MGAT4C: variants seen among roughly 807,000 people sequenced by gnomAD.
The protein encoded by MGAT4C is MGAT4 family member C.
Under a neutral mutation model 40.1 loss-of-function variants are expected in MGAT4C, and 19 were observed. The ratio of observed to expected loss-of-function variants is 0.47; its 90% CI spans 0.33 to 0.70. The LOEUF (loss-of-function observed/expected upper bound fraction) is 0.70. MGAT4C is among the 30% of genes least tolerant of loss of function. The probability of loss-of-function intolerance (pLI) is 0.02; values close to 1 mark genes in which losing one functional copy is unlikely to be tolerated. For missense variants in MGAT4C, 491 were observed against 563.2 expected (o/e 0.87, Z 1.30); for synonymous variants, 181 against 187.1 (o/e 0.97, Z 0.27).
chr12:86,129,127 G>A (rs1880781905), intron 1 of MGAT4C, among the ~76,000 whole-genome samples: 1 of 151,230 alleles, frequency 6.6e-6, no homozygotes, highest in Admixed American at 6.6e-5. Context: ...GGGTTGAGGA[G>A]GAATTATTTA....
intron 2 of MGAT4C, among the ~76,000 whole-genome samples, chr12:86,633,027 T>C (rs1963110477): frequency 6.6e-6 from 1 of 152,024 alleles, no homozygotes; most frequent in African/African-American, 2.4e-5. Context: ...TGTGTTTTCT[T>C]ATTTTATACA....
At chr12:86,319,944 T>G (rs939011467) in intron 4 of MGAT4C, among the ~76,000 whole-genome samples, 2 of 152,132 alleles carry the variant, frequency 1.3e-5, no homozygotes, top group South Asian at 4.1e-4. Context: ...AGTAAGAAAA[T>G]AAATTCACGA....
intron 2 of MGAT4C, among the ~76,000 whole-genome samples, chr12:85,999,519 T>C (rs368717158): frequency 5.3e-5 from 8 of 150,910 alleles, no homozygotes; most frequent in Admixed American, 4.0e-4. Flanking sequence ...ATAGCCAAGA[T>C]AAGGAATCAA....
At chr12:86,478,042 T>G (rs2136310161) in intron 2 of MGAT4C, among the ~76,000 whole-genome samples, 1 of 152,308 alleles carries the variant, frequency 6.6e-6, no homozygotes, top group East Asian at 1.9e-4. Flanking sequence ...GTTTATAATT[T>G]TATTTTCTGT....
At chr12:86,365,536 G>A (rs932504302) in intron 3 of MGAT4C, among the ~76,000 whole-genome samples, 3 of 152,196 alleles carry the variant, frequency 2.0e-5, no homozygotes, top group African/African-American at 4.8e-5. Flanking sequence ...AGAGATTGCA[G>A]TAAAGACAAG....
At chr12:86,213,083 A>G (rs1157309019) in intron 1 of MGAT4C, among the ~76,000 whole-genome samples, 10 of 151,932 alleles carry the variant, frequency 6.6e-5, no homozygotes. Context: ...TCCTTTACCA[A>G]CTCAATAGCT....
At chr12:86,244,125 T>C (rs1951915231) in intron 1 of MGAT4C, among the ~76,000 whole-genome samples, 1 of 152,162 alleles carries the variant, frequency 6.6e-6, no homozygotes, top group Non-Finnish European at 1.5e-5. Flanking sequence ...GCCTAGGTCA[T>C]GCCTACGCCT....
At chr12:86,515,945 C>T (rs1206695710) in intron 2 of MGAT4C, among the ~76,000 whole-genome samples, 1 of 151,918 alleles carries the variant, frequency 6.6e-6, no homozygotes, top group African/African-American at 2.4e-5. Flanking sequence ...GGGGTTTCAC[C>T]ATGTTAGCCA....
intron 1 of MGAT4C, among the ~76,000 whole-genome samples, chr12:86,735,206 T>C (rs1469796980): frequency 4.6e-5 from 7 of 151,944 alleles, no homozygotes; most frequent in African/African-American, 1.7e-4. Flanking sequence ...GTAAGTATTA[T>C]GCAAAAATGA....
At chr12:86,122,300 C>T (rs901991572) in intron 1 of MGAT4C, among the ~76,000 whole-genome samples, 5 of 152,032 alleles carry the variant, frequency 3.3e-5, no homozygotes, top group Non-Finnish European at 7.4e-5. Flanking sequence ...AAAATGTGCT[C>T]TTTTTCGGTT....
At chr12:86,704,498 G>A (rs1220774768) in intron 2 of MGAT4C, among the ~76,000 whole-genome samples, 1 of 151,930 alleles carries the variant, frequency 6.6e-6, no homozygotes, top group Non-Finnish European at 1.5e-5. Context: ...GAAAGTAGAG[G>A]AAATGTCTCG....
At chr12:86,636,511 C>A (rs1198038300) in intron 2 of MGAT4C, among the ~76,000 whole-genome samples, 2 of 151,860 alleles carry the variant, frequency 1.3e-5, no homozygotes, top group Admixed American at 6.6e-5. Flanking sequence ...GCAGGGCCAT[C>A]ATGATGGGAT....
chr12:86,389,665 C>A (rs193051502), intron 3 of MGAT4C, among the ~76,000 whole-genome samples: 9 of 152,092 alleles, frequency 5.9e-5, no homozygotes, highest in Non-Finnish European at 1.0e-4. Context: ...CAGTGTATAA[C>A]CAGAACTTGT....
chr12:86,264,910 C>G (rs370433928), intron 4 of MGAT4C, among the ~76,000 whole-genome samples: 40 of 152,342 alleles, frequency 2.6e-4, no homozygotes, highest in African/African-American at 9.6e-4. Context: ...CGCCTCAGCC[C>G]TCTCTGGATT....
intron 2 of MGAT4C, among the ~76,000 whole-genome samples, chr12:86,723,734 C>T (rs1593152001): frequency 6.6e-6 from 1 of 152,174 alleles, no homozygotes; most frequent in South Asian, 2.1e-4. Context: ...CCCTGAAGGA[C>T]AGTCTCCTTT....
At chr12:86,579,018 C>T (rs1459854306) in intron 2 of MGAT4C, among the ~76,000 whole-genome samples, 1 of 151,488 alleles carries the variant, frequency 6.6e-6, no homozygotes, top group Non-Finnish European at 1.5e-5. Context: ...GCATTGAATA[C>T]ATTTTTTCAT....
At chr12:85,988,334 C>T (rs1216984169) in intron 3 of MGAT4C, among the ~76,000 whole-genome samples, 2 of 151,972 alleles carry the variant, frequency 1.3e-5, no homozygotes, top group African/African-American at 2.4e-5. Context: ...AATATCTGTA[C>T]CAACTAAAAT....
chr12:86,408,475 CTCTCTATATATATA>C lies in MGAT4C; in HGVS notation c.-120+26668_-120+26681del, dbSNP rs1200210166. ...TCTCTCTCTCTCTCTCTCTCTCTCT[CTCTCTATATATATA>C]TATATATATATATATATATATATAT... On this transcript the variant is annotated intron_variant, in intron 3 of 7. Coordinates refer to the MGAT4C transcript ENST00000548651. Among the ~76,000 whole-genome samples, 26 of 104,388 alleles carry C rather than the reference CTCTCTATATATATA, an allele frequency of 2.5e-4. No homozygotes were observed. The East Asian group carries it at 5.7e-3, about 23-fold the overall frequency. The allele number at this position is 104,388 out of a possible 152,430, so 68.5% of individuals were successfully genotyped here.
At chr12:86,562,735 G>T (rs899238475) in intron 2 of MGAT4C, among the ~76,000 whole-genome samples, 3 of 152,002 alleles carry the variant, frequency 2.0e-5, no homozygotes, top group Non-Finnish European at 4.4e-5. Context: ...ACAACTGCTT[G>T]AGTTTTCTAA....
Sources: gnomAD v4.1 joint callset for allele counts (sites outside exome capture counted in the v4.1 genomes callset) on GRCh38, gnomAD v4.1.1 for gene constraint, MANE v1.5 for transcripts, NCBI Gene and HGNC (gene_info 2026-07-23, HGNC 2026-07-21) for gene names.